The following RAE1 variants were observed in gnomAD, a reference collection of about 807,000 sequenced individuals.
RAE1 encodes ribonucleic acid export 1.
A neutral mutation model predicts 52.7 loss-of-function variants in RAE1; 13 were observed. The ratio of observed to expected loss-of-function variants is 0.25; its 90% CI spans 0.16 to 0.39. The LOEUF is 0.39. Among genes scored for constraint, RAE1 ranks in the 10% least tolerant of loss-of-function variants. The pLI is 1.00. For missense variants in RAE1, 262 were observed against 459.8 expected (o/e 0.57, Z 3.93); for synonymous variants, 164 against 153.1 (o/e 1.07, Z -0.52).
At position 57,374,587 on chromosome 20, in the gene RAE1, G is replaced by C; in HGVS notation, c.826-20G>C. 6.2e-7 allele frequency: 1 copy of C among 1,600,434 alleles called. No individual in the cohort carries two copies. The highest frequency in any genetic ancestry group is 1.7e-4 in the Middle Eastern group (1 of 5,966). On this transcript the variant is annotated intron_variant, in intron 10 of 11. Coordinates refer to ENST00000395841, the MANE Select transcript of RAE1 (RefSeq NM_003610.4). ...GCGCCCCTCTGCCTGGCTTCTCATT[G>C]TGCATGTCAATCCTTGCAGGTAAAT...
At chr20:57,375,331 G>C (rs578023604) in intron 11 of RAE1, among the ~76,000 whole-genome samples, 1 of 152,134 alleles carries the variant, frequency 6.6e-6, no homozygotes, top group South Asian at 2.1e-4. Context: ...TGGAGAGGTT[G>C]TCATCATTGT....
chr20:57,351,485 T>C (rs2066707809), intron 1 of RAE1, 63 bp downstream of exon 1: 1 of 985,248 alleles, frequency 1.0e-6, no homozygotes, highest in Non-Finnish European at 1.2e-6. Flanking sequence ...AGAGGCCGAG[T>C]TGCCTCCCGG....
At chr20:57,373,428 A>G (rs2067065145) in intron 8 of RAE1, 47 bp from the exon 9 acceptor site, 1 of 1,562,164 alleles carries the variant, frequency 6.4e-7, no homozygotes, top group Admixed American at 1.8e-5. Context: ...TAGTCATGAA[A>G]TCTTATATTA....
At chr20:57,365,575 T>A (rs2066943858) in intron 5 of RAE1, 133 bp downstream of exon 5, 1 of 579,788 alleles carries the variant, frequency 1.7e-6, no homozygotes, top group African/African-American at 2.0e-5. Context: ...TTAGACAATA[T>A]AACAGAAACC....
intron 8 of RAE1, chr20:57,373,081 T>C (rs1317172109): frequency 8.3e-6 from 2 of 241,316 alleles, no homozygotes; most frequent in Non-Finnish European, 8.2e-6. Context: ...GCATCCCTCC[T>C]CCAGCTGGGG....
At chr20:57,356,301 A>G (rs981763872) in intron 3 of RAE1, 145 bp from the exon 4 acceptor site, 4 of 561,886 alleles carry the variant, frequency 7.1e-6, no homozygotes, top group Admixed American at 6.0e-5. Context: ...TAGATATTTT[A>G]ATTCCTTTGT....
chr20:57,367,121 AAC>A (rs764452912), intron 7 of RAE1, 42 bp downstream of exon 7: 128 of 1,475,134 alleles, frequency 8.7e-5, no homozygotes, highest in Non-Finnish European at 1.2e-4. Context: ...TTAAAAAAAA[AAC>A]AAAATAAGTA....
In RAE1 at chr20:57,369,344, G is replaced by A. The variant is rs529832178; in HGVS notation, c.642+532G>A. On this transcript the variant is annotated intron_variant, in intron 8 of 11. Transcript: ENST00000395841. ...AGGTCTGTGTAGCAAAGGTGGTCTT[G>A]TTAATGTGGAGGAAACCCCACAGGT... 5.3e-5 allele frequency among the ~76,000 whole-genome samples: 8 copies of A among 152,270 alleles called. No homozygotes were observed. In the South Asian group the frequency reaches 1.7e-3, roughly 32 times the overall value.
intron 4 of RAE1, chr20:57,359,122 TG>T: frequency 1.0e-6 from 1 of 986,116 alleles, no homozygotes. Context: ...TATATGTCAC[TG>T]GGCAGATAGT....
Position 57,374,808 on chromosome 20 carries a change from A to G in RAE1, c.1020+7A>G, listed in dbSNP as rs1568794786. The G allele has an allele frequency of 6.2e-7, 1 of 1,613,992 alleles. No individual in the cohort carries two copies. Among genetic ancestry groups the G allele is most frequent in the East Asian group, 2.2e-5 (1 of 44,858 alleles). ...CAGCTACGACTGGTCAAAGGTGAGA[A>G]CTCCCGGGCCTGCTCTGGGTGCTCC... On this transcript the variant is annotated splice_region_variant and intron_variant, in intron 11 of 11. Transcript: ENST00000395841.
At chr20:57,358,813 G>T in intron 4 of RAE1, 1 of 458,120 alleles carries the variant, frequency 2.2e-6, no homozygotes, top group Non-Finnish European at 3.8e-6. Context: ...GACTTGTGTG[G>T]TCTTAGGTTG....
chr20:57,364,352 A>C (rs2066926859), intron 4 of RAE1, among the ~76,000 whole-genome samples: 1 of 152,084 alleles, frequency 6.6e-6, no homozygotes. Flanking sequence ...TGGCATTATG[A>C]GATTGAGAGG....
chr20:57,351,577 G>C, intron 1 of RAE1, 155 bp downstream of exon 1: 1 of 985,532 alleles, frequency 1.0e-6, no homozygotes, highest in East Asian at 1.1e-4. Context: ...CGAGGTCAGA[G>C]CTGGAAATGG....
At chr20:57,375,198 G>T (rs1298147495) in intron 11 of RAE1, 8 of 607,464 alleles carry the variant, frequency 1.3e-5, no homozygotes, top group Non-Finnish European at 1.8e-5. Context: ...CAGGAGTGGG[G>T]CTGCATTTTT....
At chr20:57,375,682 T>C (rs760091150) in intron 11 of RAE1, among the ~76,000 whole-genome samples, 27 of 152,158 alleles carry the variant, frequency 1.8e-4, no homozygotes, top group Non-Finnish European at 2.4e-4. Context: ...ACCCTCTTGG[T>C]TCCCTGTGCT....
Position 57,373,872 on chromosome 20 carries a change from G to T in RAE1, c.825+134G>T. On this transcript the variant is annotated intron_variant, in intron 10 of 11. Coordinates refer to ENST00000395841, the MANE Select transcript of RAE1 (RefSeq NM_003610.4). ...TCATGTCCGGAGATAAGTGGCTTAT[G>T]CTGTAGGCTTCAGGTTTCTGTGGAT... The T allele has an allele frequency of 6.4e-6, 6 of 939,192 alleles. No homozygotes were observed. In the South Asian group the frequency reaches 9.3e-5, roughly 15 times the overall value. 58.2% of individuals were successfully genotyped at this position (939,192 alleles called of 1,614,324 possible).
intron 7 of RAE1, 43 bp from the exon 8 acceptor site, chr20:57,368,662 C>T (rs762416098): frequency 2.1e-6 from 3 of 1,400,488 alleles, no homozygotes; most frequent in African/African-American, 1.4e-5. Context: ...AAACAGCACA[C>T]TCCTTCACCT....
Position 57,360,833 on chromosome 20 carries a change from G to A in RAE1, c.288+4295G>A, listed in dbSNP as rs185884633. Among the ~76,000 whole-genome samples the A allele has an allele frequency of 3.9e-5, 6 of 152,288 alleles. No individual in the cohort carries two copies. In the East Asian group the frequency reaches 1.2e-3, roughly 29 times the overall value. On this transcript the variant is annotated intron_variant, in intron 4 of 11. Coordinates refer to ENST00000395841, the MANE Select transcript of RAE1 (RefSeq NM_003610.4). ...TTTAACACTGCTGTTTCCTGTGGGG[G>A]TGTGGTTGAGCAAAGTGTTTTGAGC...
intron 4 of RAE1, among the ~76,000 whole-genome samples, chr20:57,360,563 A>G (rs1600713345): frequency 6.6e-6 from 1 of 152,328 alleles, no homozygotes; most frequent in Middle Eastern, 3.4e-3. Context: ...GTTAGGGTTT[A>G]GGGCTAAGCA....
Sources: gnomAD v4.1 joint callset for allele counts (sites outside exome capture counted in the v4.1 genomes callset) on GRCh38, gnomAD v4.1.1 for gene constraint, MANE v1.5 for transcripts, NCBI Gene and HGNC (gene_info 2026-07-23, HGNC 2026-07-21) for gene names.